Variants in EPHA2 observed in about 807,000 individuals in gnomAD.
The protein encoded by EPHA2 is ephrin type-A receptor 2.
EPHA2 carries 54 observed loss-of-function variants against 104.9 expected under a neutral mutation model. The ratio of observed to expected loss-of-function variants is 0.51; its 90% confidence interval spans 0.41 to 0.65. The LOEUF is 0.65. EPHA2 is among the 30% of genes least tolerant of loss of function. The pLI, the probability that EPHA2 is intolerant of heterozygous loss-of-function variation, is 0.00. For missense variants in EPHA2, 1,117 were observed against 1,369.5 expected (o/e 0.82, Z 2.91); for synonymous variants, 560 against 559.1 (o/e 1.00, Z -0.02).
At chr1:16,129,249 T>G (rs1276811573) in intron 16 of EPHA2, among the ~76,000 whole-genome samples, 185 bp downstream of exon 16, 1 of 151,010 alleles carries the variant, frequency 6.6e-6, no homozygotes, top group African/African-American at 2.4e-5. Context: ...GAGCTGAGAG[T>G]GGGCACCCAG....
At chr1:16,138,533 A>G in intron 3 of EPHA2, 103 bp from the exon 4 acceptor site, 1 of 1,543,590 alleles carries the variant, frequency 6.5e-7, no homozygotes, top group Non-Finnish European at 8.9e-7. Flanking sequence ...CCCTGCAAGC[A>G]GGTCAGTAAA....
rs72887923 is a variant in EPHA2, at chr1:16,128,339, G to C, written c.2825+1095C>G. On this transcript the variant is annotated intron_variant, in intron 16 of 16. Transcript: ENST00000358432. This position sits in a 1 kb window ranked among gnomAD's most constrained non-coding sequence, Gnocchi z 4.7. ...ACGTGTCCCCGCCTCCCCTCTGGTC[G>C]GCTCTGTTCCTGCCTGCTTCCCATC... is the stretch of plus-strand genomic sequence containing the variant. 0.14 allele frequency among the ~76,000 whole-genome samples: 20,797 copies of C among 152,156 alleles called. 2,324 individuals carry two copies. Among genetic ancestry groups the C allele is most frequent in the African/African-American group, 0.31 (12,672 of 41,490 alleles).
At chr1:16,129,727 A>G in intron 15 of EPHA2, 138 bp from the exon 16 acceptor site, 2 of 1,195,286 alleles carry the variant, frequency 1.7e-6, no homozygotes, top group African/African-American at 1.5e-5. Context: ...AGGGAAGCCC[A>G]GTCAAGTAGG....
In EPHA2 at chr1:16,135,537, C is replaced by A; in HGVS notation, c.1428+118G>T. Reference sequence around the variant, plus strand: ...CCTGGCAGACCCCAGGCCTCAGTTTCCCCATCTGCAGAAGGGTGCTTCTTC... The same window carrying A: ...CCTGGCAGACCCCAGGCCTCAGTTTACCCATCTGCAGAAGGGTGCTTCTTC... On this transcript the variant is annotated intron_variant, in intron 6 of 16. Transcript: ENST00000358432. The surrounding 1 kb of genome is among the most constrained non-coding windows in gnomAD (Gnocchi z 4.3). 5.0e-6 allele frequency: 5 copies of A among 993,904 alleles called. No homozygotes were observed. The South Asian group carries it at 6.6e-5, about 13-fold the overall frequency. 61.6% of individuals were successfully genotyped at this position (993,904 alleles called of 1,614,324 possible). A position where few individuals can be genotyped will look rare whatever the true frequency, so the allele number is the denominator to read the frequency against.
At position 16,150,805 on chromosome 1, in the gene EPHA2, C is replaced by T. The variant is rs2025019608; in HGVS notation, c.153+91G>A. The T allele has an allele frequency of 1.4e-6, 2 of 1,416,914 alleles. No individual in the cohort carries two copies. Among genetic ancestry groups the T allele is most frequent in the Admixed American group, 3.4e-5 (2 of 59,078 alleles). 87.8% of individuals were successfully genotyped at this position (1,416,914 alleles called of 1,614,324 possible). A position where few individuals can be genotyped will look rare whatever the true frequency, so the allele number is the denominator to read the frequency against. On this transcript the variant is annotated intron_variant, in intron 2 of 16. Transcript: ENST00000358432. This position sits in a 1 kb window ranked among gnomAD's most constrained non-coding sequence, Gnocchi z 4.8. ...GCTGAGCTGCTGAATTGAAGCCAGG[C>T]CCCACGCTCCCTGGGCCTCAGTTTC... is the stretch of plus-strand genomic sequence containing the variant.
rs188469707 is a variant in EPHA2, at chr1:16,143,731, C to T, written c.823+4647G>A. On this transcript the variant is annotated intron_variant, in intron 3 of 16. Transcript: ENST00000358432. ...GTGGCAATTCACCTAGGGCCAGTCACCGCCCAAGCCAGGCCCAGCAGGTGA... is the reference window on the plus strand; with the variant it reads ...GTGGCAATTCACCTAGGGCCAGTCATCGCCCAAGCCAGGCCCAGCAGGTGA... 1.7e-3 allele frequency among the ~76,000 whole-genome samples: 261 copies of T among 152,294 alleles called. 1 individual carries two copies. The highest frequency in any genetic ancestry group is 6.1e-3 in the African/African-American group (254 of 41,542).
chr1:16,147,631 C>T (rs77670415), intron 3 of EPHA2, among the ~76,000 whole-genome samples: 3,665 of 151,546 alleles, frequency 0.024, 163 homozygotes, highest in African/African-American at 0.085. Context: ...TAAAAGTACT[C>T]ATGTGGCAGG....
Position 16,124,979 on chromosome 1 carries a change from G to A in EPHA2, c.*236C>T. 1 of 552,418 alleles carries A rather than the reference G, an allele frequency of 1.8e-6. No homozygotes were observed. Among genetic ancestry groups the A allele is most frequent in the South Asian group, 2.1e-5 (1 of 47,416 alleles). 34.2% of individuals were successfully genotyped at this position (552,418 alleles called of 1,614,324 possible). The stretch of plus-strand genomic sequence containing the variant: ...TCCAGGGATGCTGGGACGTGGCGGT[G>A]CCTGCTAAGTGCTCAGCTGTGTGCG... On this transcript the variant is annotated 3_prime_UTR_variant, in exon 17 of 17. Transcript: ENST00000358432.
chr1:16,145,209 T>G (rs945500105), intron 3 of EPHA2, among the ~76,000 whole-genome samples: 5 of 152,022 alleles, frequency 3.3e-5, no homozygotes, highest in African/African-American at 1.2e-4. Flanking sequence ...AGCGGAGACA[T>G]GGAGACAAAG....
intron 1 of EPHA2, among the ~76,000 whole-genome samples, chr1:16,153,571 G>A (rs980616602): frequency 6.6e-6 from 1 of 152,188 alleles, no homozygotes; most frequent in Non-Finnish European, 1.5e-5. Flanking sequence ...AGCAGGCAGG[G>A]CCTTGGCTCT....
At chr1:16,147,909 C>T (rs1467992775) in intron 3 of EPHA2, among the ~76,000 whole-genome samples, 2 of 151,374 alleles carry the variant, frequency 1.3e-5, no homozygotes, top group African/African-American at 4.9e-5. Context: ...TCTCCTCTGT[C>T]ACCCCAGGCT....
At position 16,125,010 on chromosome 1, in the gene EPHA2, C is replaced by T. The variant is rs2024438425; in HGVS notation, c.*205G>A. 1.6e-6 allele frequency: 1 copy of T among 610,936 alleles called. No individual in the cohort carries two copies. The highest frequency in any genetic ancestry group is 2.5e-5 in the Admixed American group (1 of 39,568). 37.8% of individuals were successfully genotyped at this position (610,936 alleles called of 1,614,324 possible). On this transcript the variant is annotated 3_prime_UTR_variant, in exon 17 of 17. Coordinates refer to ENST00000358432, the MANE Select transcript of EPHA2 (RefSeq NM_004431.5). This position sits in a 1 kb window ranked among gnomAD's most constrained non-coding sequence, Gnocchi z 4.9. Reference sequence around the variant, plus strand: ...TAAGTGCTCAGCTGTGTGCGTCTCGCAGGGAAAGAGGGCCCAGCCCAGCAT... The same window carrying T: ...TAAGTGCTCAGCTGTGTGCGTCTCGTAGGGAAAGAGGGCCCAGCCCAGCAT...
intron 5 of EPHA2, among the ~76,000 whole-genome samples, chr1:16,136,713 A>AAAGATG (rs1553135585): frequency 3.9e-5 from 4 of 102,734 alleles, no homozygotes; most frequent in Non-Finnish European, 7.1e-5. Context: ...AAGAAGAAGA[A>AAAGATG]AAGAAGAAGA....
intron 5 of EPHA2, among the ~76,000 whole-genome samples, chr1:16,136,282 G>A (rs1338320551): frequency 6.7e-6 from 1 of 148,688 alleles, no homozygotes; most frequent in Non-Finnish European, 1.5e-5. Context: ...CATCAGAGGT[G>A]CCCCATATTT....
rs369180720 is a variant in EPHA2, at chr1:16,135,051, C to T, written c.1567G>A (p.Glu523Lys). ...CCCAACTCACACAGCGTCTGGAATTCGTGCACCTTGCTGCCGGCCCCCTGG... is the reference window on the plus strand; with the variant it reads ...CCCAACTCACACAGCGTCTGGAATTTGTGCACCTTGCTGCCGGCCCCCTGG... Reference protein sequence around the residue: ...EGQGAGSKVHEFQTLSPEGSG... With the variant: ...EGQGAGSKVHKFQTLSPEGSG... Residue 523 changes from glutamate to lysine, a missense_variant, in exon 7 of 17, where the codon GAA becomes AAA. Glu to Lys is a moderately conservative substitution (Grantham distance 56). Around this residue, in one of 3 missense-constraint regions of EPHA2, gnomAD observed 664 missense variants for 784.8 expected, o/e 0.85. Coordinates refer to ENST00000358432, the MANE Select transcript of EPHA2 (RefSeq NM_004431.5). The surrounding 1 kb of genome is among the most constrained non-coding windows in gnomAD (Gnocchi z 4.3). 5.8e-5 allele frequency: 94 copies of T among 1,612,964 alleles called. 1 individual carries two copies. In the Admixed American group the frequency reaches 1.4e-3, roughly 24 times the overall value.
intron 3 of EPHA2, among the ~76,000 whole-genome samples, chr1:16,141,591 C>G (rs1260188103): frequency 6.6e-6 from 1 of 152,242 alleles, no homozygotes; most frequent in Non-Finnish European, 1.5e-5. Context: ...CCAGCCCAGG[C>G]TCTCAGGCCA....
At chr1:16,133,081 GA>G in intron 11 of EPHA2, 98 bp downstream of exon 11, 1 of 1,509,424 alleles carries the variant, frequency 6.6e-7, no homozygotes, top group Non-Finnish European at 9.0e-7. Flanking sequence ...GGTGTGGGGG[GA>G]AGGTGGGCAC....
Position 16,134,569 on chromosome 1 carries a change from T to C in EPHA2, c.1583-2A>G. 1 of 1,613,962 alleles carries C rather than the reference T, an allele frequency of 6.2e-7. No individual in the cohort carries two copies. The highest frequency in any genetic ancestry group is 8.5e-7 in the Non-Finnish European group (1 of 1,179,970). On this transcript the variant is annotated splice_acceptor_variant, in intron 7 of 16. Transcript: ENST00000358432. LOFTEE classifies it high-confidence loss of function. This position sits in a 1 kb window ranked among gnomAD's most constrained non-coding sequence, Gnocchi z 4.5. ...CCAAGTTGCCAGATCCCTCCGGGGC[T>C]GGTGGAAGAAATCAGCTGATGACAA...
At chr1:16,133,966 T>C (rs2024631643) in intron 8 of EPHA2, 51 bp from the exon 9 acceptor site, 1 of 1,540,076 alleles carries the variant, frequency 6.5e-7, no homozygotes, top group Non-Finnish European at 8.8e-7. Context: ...TGAGGTCTGC[T>C]CCGGCCAGGG....
Sources: allele counts gnomAD v4.1 joint callset (sites outside exome capture counted in the v4.1 genomes callset), GRCh38; gene constraint gnomAD v4.1.1; regional missense constraint gnomAD v4.1.1; non-coding constraint Gnocchi (gnomAD v3.1); transcripts MANE v1.5; gene names NCBI Gene and HGNC (gene_info 2026-07-23, HGNC 2026-07-21).